Variants in NUDT3 observed in about 807,000 individuals in gnomAD.
NUDT3 encodes the protein nudix hydrolase 3.
NUDT3 carries 9 observed loss-of-function variants against 23.6 expected under a neutral mutation model. That is an observed-to-expected ratio of 0.38 (90% CI 0.23 to 0.66). The LOEUF is 0.66. NUDT3 is among the 30% of genes least tolerant of loss of function. NUDT3 has a pLI of 0.52. For missense variants in NUDT3, 172 were observed against 218.5 expected (o/e 0.79, Z 1.34); for synonymous variants, 86 against 82.6 (o/e 1.04, Z -0.22).
At chr6:34,366,790 A>G (rs1200030620) in intron 1 of NUDT3, among the ~76,000 whole-genome samples, 1 of 152,154 alleles carries the variant, frequency 6.6e-6, no homozygotes. Flanking sequence ...GATGGACAGA[A>G]GTGACAGTTG....
At chr6:34,308,091 A>AGCT (rs1763709423) in intron 2 of NUDT3, among the ~76,000 whole-genome samples, 1 of 120,172 alleles carries the variant, frequency 8.3e-6, no homozygotes, top group Admixed American at 1.0e-4. Flanking sequence ...ACTGCACTCC[A>AGCT]GCTGGGAGAC....
chr6:34,377,670 T>C (rs1162984973), intron 1 of NUDT3, among the ~76,000 whole-genome samples: 1 of 151,784 alleles, frequency 6.6e-6, no homozygotes, highest in Non-Finnish European at 1.5e-5. Context: ...CCGTTGCTAC[T>C]GAAAATACAA....
intron 1 of NUDT3, among the ~76,000 whole-genome samples, chr6:34,380,750 G>A (rs571937431): frequency 6.6e-6 from 1 of 152,238 alleles, no homozygotes; most frequent in South Asian, 2.1e-4. Context: ...GCACAGATTA[G>A]GGGGACAGGC....
At chr6:34,381,008 C>A (rs893994738) in intron 1 of NUDT3, among the ~76,000 whole-genome samples, 4 of 152,056 alleles carry the variant, frequency 2.6e-5, no homozygotes, top group Non-Finnish European at 4.4e-5. Flanking sequence ...CTATTTTACA[C>A]TCCAAACTGC....
At chr6:34,314,891 T>G (rs561629864) in intron 2 of NUDT3, among the ~76,000 whole-genome samples, 1 of 152,144 alleles carries the variant, frequency 6.6e-6, no homozygotes, top group African/African-American at 2.4e-5. Context: ...AAAATTGATA[T>G]CTAGAGATGA....
intron 1 of NUDT3, among the ~76,000 whole-genome samples, chr6:34,375,073 G>A (rs111616749): frequency 1.3e-5 from 2 of 152,114 alleles, no homozygotes; most frequent in Non-Finnish European, 2.9e-5. Flanking sequence ...TCGGCCGGGC[G>A]CTGTGGCTCA....
At chr6:34,308,647 T>C (rs1763722009) in intron 2 of NUDT3, among the ~76,000 whole-genome samples, 1 of 152,050 alleles carries the variant, frequency 6.6e-6, no homozygotes, top group South Asian at 2.1e-4. Flanking sequence ...AGTAACTAAC[T>C]ACACTAATCT....
intron 1 of NUDT3, among the ~76,000 whole-genome samples, chr6:34,388,056 T>C (rs549510292): frequency 2.0e-5 from 3 of 152,284 alleles, no homozygotes; most frequent in African/African-American, 7.2e-5. Context: ...TGTTTAGATA[T>C]GTTTAGATAC....
At chr6:34,358,709 G>A (rs1764601149) in intron 1 of NUDT3, among the ~76,000 whole-genome samples, 1 of 152,124 alleles carries the variant, frequency 6.6e-6, no homozygotes, top group African/African-American at 2.4e-5. Context: ...CCTCACAGGG[G>A]GGCCAGAGCT....
Position 34,301,977 on chromosome 6 carries a change from T to A in NUDT3, c.211-6292A>T, listed in dbSNP as rs1763605077. Among the ~76,000 whole-genome samples the A allele has an allele frequency of 2.0e-5, 3 of 152,222 alleles. No homozygotes were observed. The South Asian group carries it at 6.2e-4, about 32-fold the overall frequency. On this transcript the variant is annotated intron_variant, in intron 2 of 4. Transcript: ENST00000607016. ...ATTTCCTCTTAGGGGCATTATATAT[T>A]CACAGCCTTATTTGACAAGTGACCA...
At chr6:34,317,071 G>T (rs1763872790) in intron 2 of NUDT3, among the ~76,000 whole-genome samples, 1 of 152,140 alleles carries the variant, frequency 6.6e-6, no homozygotes, top group African/African-American at 2.4e-5. Flanking sequence ...TGATGAACTA[G>T]ATATTAGGTG....
chr6:34,374,135 C>A (rs145798964), intron 1 of NUDT3, among the ~76,000 whole-genome samples: 4 of 119,714 alleles, frequency 3.3e-5, no homozygotes, highest in Non-Finnish European at 4.8e-5. Flanking sequence ...CCAGCCTGGG[C>A]GACAGAACAA....
intron 2 of NUDT3, among the ~76,000 whole-genome samples, chr6:34,317,426 G>T (rs555300763): frequency 3.3e-5 from 5 of 151,818 alleles, no homozygotes; most frequent in Non-Finnish European, 5.9e-5. Flanking sequence ...AAAAAAAAAA[G>T]ACCAAGGACT....
rs1763271410 is a variant in NUDT3, at chr6:34,280,773, G to A, written c.*7980C>T. The A allele has an allele frequency of 6.6e-6, 1 of 152,180 alleles. No individual in the cohort carries two copies. Among genetic ancestry groups the A allele is most frequent in the African/African-American group, 2.4e-5 (1 of 41,434 alleles). The allele number at this position is 152,180 out of a possible 1,614,324, so 9.4% of individuals were successfully genotyped here. A position where few individuals can be genotyped will look rare whatever the true frequency, so the allele number is the denominator to read the frequency against. ...AAATGAACAGCAGCAGAGTTCTGGT[G>A]GGATAGAGCAGTCTAGTCTGAGCCA... is the stretch of plus-strand genomic sequence containing the variant. On this transcript the variant is annotated 3_prime_UTR_variant, in exon 5 of 5. Transcript: ENST00000607016.
At chr6:34,298,565 G>T (rs747854259) in intron 2 of NUDT3, among the ~76,000 whole-genome samples, 3 of 152,016 alleles carry the variant, frequency 2.0e-5, no homozygotes, top group Non-Finnish European at 2.9e-5. Flanking sequence ...ACATTTCAGT[G>T]GTATTTTTCA....
intron 4 of NUDT3, 50 bp from the exon 5 acceptor site, chr6:34,288,981 G>A: frequency 6.6e-7 from 1 of 1,516,938 alleles, no homozygotes; most frequent in Non-Finnish European, 8.8e-7. Context: ...TAAGGTTTCT[G>A]AGCCTAGAAC....
intron 1 of NUDT3, among the ~76,000 whole-genome samples, chr6:34,379,480 A>C (rs1299217891): frequency 3.9e-5 from 6 of 152,002 alleles, no homozygotes. Context: ...GAATCGCTTG[A>C]ACCTGGGAGG....
chr6:34,328,161 TCCGCCCACAGTGAACCACCACGC>T (rs1245937756), intron 2 of NUDT3, among the ~76,000 whole-genome samples: 2 of 152,204 alleles, frequency 1.3e-5, no homozygotes, highest in Admixed American at 1.3e-4. Flanking sequence ...TGGGTAATCT[TCCGCCCACAGTGAACCACCACGC>T]CCGGCCAAGA....
At chr6:34,371,211 C>T (rs1028662567) in intron 1 of NUDT3, among the ~76,000 whole-genome samples, 4 of 152,088 alleles carry the variant, frequency 2.6e-5, no homozygotes, top group African/African-American at 7.2e-5. Flanking sequence ...TAGCTCATGC[C>T]TGTAATCCCA....
Sources: allele counts gnomAD v4.1 joint callset (sites outside exome capture counted in the v4.1 genomes callset), GRCh38; gene constraint gnomAD v4.1.1; transcripts MANE v1.5; gene names NCBI Gene and HGNC (gene_info 2026-07-23, HGNC 2026-07-21).